Variants in MAK16 observed in about 807,000 individuals in gnomAD.
MAK16 encodes the protein MAK16 homolog.
A neutral mutation model predicts 49.9 loss-of-function variants in MAK16; 12 were observed. The observed-to-expected ratio is 0.24, with a 90% CI of 0.15 to 0.39. The LOEUF is 0.39. MAK16 is among the 10% of genes least tolerant of loss of function. The probability of loss-of-function intolerance (pLI) is 1.00; values close to 1 mark genes in which losing one functional copy is unlikely to be tolerated. For missense variants in MAK16, 292 were observed against 363.7 expected, an observed-to-expected ratio of 0.80 and a Z score of 1.60; for synonymous variants, 115 against 126.4, an observed-to-expected ratio of 0.91 and a Z score of 0.60.
intron 1 of MAK16, among the ~76,000 whole-genome samples, chr8:33,487,730 C>T (rs1167485106): frequency 6.6e-6 from 1 of 151,708 alleles, no homozygotes; most frequent in East Asian, 2.0e-4. Context: ...CCCATGAGAG[C>T]CTTTAATAAT....
intron 1 of MAK16, among the ~76,000 whole-genome samples, chr8:33,487,998 G>A (rs374225638): frequency 2.0e-5 from 3 of 151,918 alleles, no homozygotes; most frequent in South Asian, 4.1e-4. Flanking sequence ...GCACAATCTC[G>A]GCTCACCGCA....
At position 33,500,434 on chromosome 8, in the gene MAK16, A is replaced by G. The variant is rs757207361; in HGVS notation, c.*1805A>G. The G allele has an allele frequency of 6.2e-7, 1 of 1,614,106 alleles. No individual in the cohort carries two copies. Among genetic ancestry groups the G allele is most frequent in the Non-Finnish European group, 8.5e-7 (1 of 1,180,004 alleles). Reference sequence around the variant, plus strand: ...AGGTGTAAGGTTTGGATCCCTTGCTACATCACAAATCAGTTTCAAGAGGGC... The same window carrying G: ...AGGTGTAAGGTTTGGATCCCTTGCTGCATCACAAATCAGTTTCAAGAGGGC... On this transcript the variant is annotated 3_prime_UTR_variant, in exon 10 of 10. Coordinates refer to ENST00000360128, the MANE Select transcript of MAK16 (RefSeq NM_032509.4).
chr8:33,500,203 G>C lies in MAK16; in HGVS notation c.*1574G>C. On this transcript the variant is annotated 3_prime_UTR_variant, in exon 10 of 10. Transcript: ENST00000360128. ...TTTGAGGCTAGAGGGCTCATATGGA[G>C]ATCTAAAACCCTCCATGTTCATTTC... 9.2e-7 allele frequency: 1 copy of C among 1,088,024 alleles called. No individual in the cohort carries two copies. Among genetic ancestry groups the C allele is most frequent in the South Asian group, 1.4e-5 (1 of 72,178 alleles). The allele number at this position is 1,088,024 out of a possible 1,614,324, so 67.4% of individuals were successfully genotyped here. A position where few individuals can be genotyped will look rare whatever the true frequency, so the allele number is the denominator to read the frequency against.
chr8:33,491,223 G>A (rs933774280), intron 6 of MAK16, among the ~76,000 whole-genome samples: 1 of 152,118 alleles, frequency 6.6e-6, no homozygotes, highest in Non-Finnish European at 1.5e-5. Context: ...TTTGGCTGTC[G>A]TGAACAGAGC....
intron 1 of MAK16, among the ~76,000 whole-genome samples, chr8:33,486,780 CTG>C (rs1808694661): frequency 6.6e-6 from 1 of 152,166 alleles, no homozygotes; most frequent in Admixed American, 6.5e-5. Context: ...CTAGGGAAGA[CTG>C]TTCTTACGAG....
intron 6 of MAK16, among the ~76,000 whole-genome samples, chr8:33,491,606 C>T (rs966729409): frequency 6.6e-6 from 1 of 150,474 alleles, no homozygotes; most frequent in East Asian, 1.9e-4. Context: ...AATCTTTTGC[C>T]TCCCCAATCC....
Position 33,500,212 on chromosome 8 carries a change from C to T in MAK16, c.*1583C>T. ...AGAGGGCTCATATGGAGATCTAAAA[C>T]CCTCCATGTTCATTTCCAGACTTGG... On this transcript the variant is annotated 3_prime_UTR_variant, in exon 10 of 10. Transcript: ENST00000360128. 1 of 1,201,740 alleles carries T rather than the reference C, an allele frequency of 8.3e-7. No individual in the cohort carries two copies. 74.4% of individuals were successfully genotyped at this position (1,201,740 alleles called of 1,614,324 possible). A position where few individuals can be genotyped will look rare whatever the true frequency, so the allele number is the denominator to read the frequency against.
At position 33,489,469 on chromosome 8, in the gene MAK16, C is replaced by T. The variant is rs530694504; in HGVS notation, c.392+330C>T. Among the ~76,000 whole-genome samples, 12 of 152,222 alleles carry T rather than the reference C, an allele frequency of 7.9e-5. 1 individual carries two copies. In the South Asian group the frequency reaches 2.3e-3, roughly 29 times the overall value. On this transcript the variant is annotated intron_variant, in intron 5 of 9. Transcript: ENST00000360128. The surrounding 1 kb of genome is among the most constrained non-coding windows in gnomAD (Gnocchi z 4.2). ...TCAGCTCACTGCAACCTCCATCTCCCCGGTTGAAGCAATCCTCCCACCTCA... is the reference window on the plus strand; with the variant it reads ...TCAGCTCACTGCAACCTCCATCTCCTCGGTTGAAGCAATCCTCCCACCTCA...
rs141690641 is a variant in MAK16, at chr8:33,488,223, C to T, written c.16-155C>T. On this transcript the variant is annotated intron_variant, in intron 1 of 9. Coordinates refer to ENST00000360128, the MANE Select transcript of MAK16 (RefSeq NM_032509.4). ...GATTACAGGCGTGAGCCACCGTGCC[C>T]GGCCTTGCTGTTTGTATTTTAAAAA... is the stretch of plus-strand genomic sequence containing the variant. Among the ~76,000 whole-genome samples the T allele has an allele frequency of 4.2e-3, 641 of 152,328 alleles. 1 individual carries two copies. The highest frequency in any genetic ancestry group is 0.016 in the East Asian group (83 of 5,184).
At position 33,500,573 on chromosome 8, in the gene MAK16, A is replaced by G. The variant is rs1468976969; in HGVS notation, c.*1944A>G. On this transcript the variant is annotated 3_prime_UTR_variant, in exon 10 of 10. Coordinates refer to ENST00000360128, the MANE Select transcript of MAK16 (RefSeq NM_032509.4). ...GAGACTTCAAAGACTGTCAAGTGGA[A>G]AGCTATCATTTCCTAAATTAAGGAA... 14 of 1,528,312 alleles carry G rather than the reference A, an allele frequency of 9.2e-6. No homozygotes were observed. In the Admixed American group the frequency reaches 2.6e-4, roughly 29 times the overall value. 94.7% of individuals were successfully genotyped at this position (1,528,312 alleles called of 1,614,324 possible). A position where few individuals can be genotyped will look rare whatever the true frequency, so the allele number is the denominator to read the frequency against.
At chr8:33,486,584 C>T (rs1808691592) in intron 1 of MAK16, among the ~76,000 whole-genome samples, 1 of 152,164 alleles carries the variant, frequency 6.6e-6, no homozygotes, top group Non-Finnish European at 1.5e-5. Flanking sequence ...ACGAAAGTGG[C>T]TTCGCCTAAG....
At position 33,488,515 on chromosome 8, in the gene MAK16, T is replaced by C; in HGVS notation, c.66-5T>C. ...ATAATCTTTGTTTCTTTTCTCCCAT[T>C]CTAGAACCAAGACTCAGAGCTTCTG... On this transcript the variant is annotated splice_polypyrimidine_tract_variant and splice_region_variant and intron_variant, in intron 2 of 9. Transcript: ENST00000360128. The C allele has an allele frequency of 6.2e-7, 1 of 1,614,094 alleles. No individual in the cohort carries two copies. The highest frequency in any genetic ancestry group is 8.5e-7 in the Non-Finnish European group (1 of 1,179,976).
At chr8:33,493,063 A>G (rs1335464904) in intron 6 of MAK16, among the ~76,000 whole-genome samples, 1 of 151,934 alleles carries the variant, frequency 6.6e-6, no homozygotes, top group Non-Finnish European at 1.5e-5. Context: ...GTCCCCATTA[A>G]TCACAGTTAT....
In MAK16 at chr8:33,498,676, T is replaced by TG; in HGVS notation, c.*47_*48insG. ...CCAGGACTGAACATGCAGAACTGTT[T>TG]TTTTTTTTTTTTTATCTTAAACACA... On this transcript the variant is annotated 3_prime_UTR_variant, in exon 10 of 10. Coordinates refer to ENST00000360128, the MANE Select transcript of MAK16 (RefSeq NM_032509.4). 2 of 1,415,764 alleles carry TG rather than the reference T, an allele frequency of 1.4e-6. No individual in the cohort carries two copies. Among genetic ancestry groups the TG allele is most frequent in the Non-Finnish European group, 1.9e-6 (2 of 1,044,022 alleles). The allele number at this position is 1,415,764 out of a possible 1,614,324, so 87.7% of individuals were successfully genotyped here. A position where few individuals can be genotyped will look rare whatever the true frequency, so the allele number is the denominator to read the frequency against.
chr8:33,494,226 A>T (rs1808820671), intron 6 of MAK16, among the ~76,000 whole-genome samples: 1 of 151,746 alleles, frequency 6.6e-6, no homozygotes, highest in South Asian at 2.1e-4. Flanking sequence ...GGCATACACC[A>T]CTCTGCCCGG....
In MAK16 at chr8:33,500,184, G is replaced by T; in HGVS notation, c.*1555G>T. The T allele has an allele frequency of 2.4e-6, 2 of 833,606 alleles. No individual in the cohort carries two copies. The highest frequency in any genetic ancestry group is 3.8e-6 in the Non-Finnish European group (2 of 532,936). 51.6% of individuals were successfully genotyped at this position (833,606 alleles called of 1,614,324 possible). A position where few individuals can be genotyped will look rare whatever the true frequency, so the allele number is the denominator to read the frequency against. Reference sequence around the variant, plus strand: ...AGAAAAAAGATCAAGCTCTTTTGAGGCTAGAGGGCTCATATGGAGATCTAA... The same window carrying T: ...AGAAAAAAGATCAAGCTCTTTTGAGTCTAGAGGGCTCATATGGAGATCTAA... On this transcript the variant is annotated 3_prime_UTR_variant, in exon 10 of 10. Coordinates refer to ENST00000360128, the MANE Select transcript of MAK16 (RefSeq NM_032509.4).
chr8:33,489,235 A>G lies in MAK16; in HGVS notation c.392+96A>G. ...GTGAAACTTCGGGGCTTTCTATTCA[A>G]CTTTGTGGAGTCTGTTATGATGTAC... On this transcript the variant is annotated intron_variant, in intron 5 of 9. Transcript: ENST00000360128. The surrounding 1 kb of genome is among the most constrained non-coding windows in gnomAD (Gnocchi z 4.2). 1.8e-6 allele frequency: 2 copies of G among 1,128,382 alleles called. No homozygotes were observed. Among genetic ancestry groups the G allele is most frequent in the Non-Finnish European group, 2.5e-6 (2 of 787,722 alleles). The allele number at this position is 1,128,382 out of a possible 1,614,324, so 69.9% of individuals were successfully genotyped here.
At chr8:33,497,441 C>T in intron 9 of MAK16, 144 bp downstream of exon 9, 1 of 618,930 alleles carries the variant, frequency 1.6e-6, no homozygotes, top group Non-Finnish European at 2.9e-6. Context: ...TGTTTGAGCT[C>T]AGGAGTTCGA....
At chr8:33,490,091 C>T (rs139771295) in intron 5 of MAK16, among the ~76,000 whole-genome samples, 194 bp from the exon 6 acceptor site, 159 of 152,286 alleles carry the variant, frequency 1.0e-3, no homozygotes, top group Non-Finnish European at 2.0e-3. Flanking sequence ...GAGCTGAGCC[C>T]TACAGCACCA....
Sources: gnomAD v4.1 joint callset for allele counts (sites outside exome capture counted in the v4.1 genomes callset) on GRCh38, gnomAD v4.1.1 for gene constraint, Gnocchi (gnomAD v3.1) non-coding constraint, MANE v1.5 for transcripts, NCBI Gene and HGNC (gene_info 2026-07-23, HGNC 2026-07-21) for gene names.